The following PCDHB3 variants were observed in gnomAD, a reference collection of about 807,000 sequenced individuals.
PCDHB3 encodes the protein protocadherin beta-3.
For synonymous variants in PCDHB3, 479 were observed against 456.0 expected (o/e 1.05, Z -0.64); for missense variants, 967 against 1,012.1 (o/e 0.96, Z 0.60).
In PCDHB3 at chr5:141,100,614, G is replaced by C; in HGVS notation, c.-36G>C. 1 of 1,468,526 alleles carries C rather than the reference G, an allele frequency of 6.8e-7. No homozygotes were observed. The highest frequency in any genetic ancestry group is 9.3e-7 in the Non-Finnish European group (1 of 1,072,622). The allele number at this position is 1,468,526 out of a possible 1,614,324, so 91.0% of individuals were successfully genotyped here. On this transcript the variant is annotated 5_prime_UTR_variant, in exon 1 of 1. Coordinates refer to ENST00000231130, the MANE Select transcript of PCDHB3 (RefSeq NM_018937.5). ...CCCAGCTCTGTCTGAGGTTCAGCTT[G>C]GCGACATTCCCTGGAAGAGCGTGAC...
In PCDHB3 at chr5:141,101,221, A is replaced by AC. The variant is rs1563835175; in HGVS notation, c.575dup (p.Glu193GlyfsTer6). On this transcript the variant is annotated frameshift_variant, in exon 1 of 1. Coordinates refer to ENST00000231130, the MANE Select transcript of PCDHB3 (RefSeq NM_018937.5). LOFTEE classifies it low-confidence loss of function (END_TRUNC). ...CGCAGTCGTAGGGACGGAAGGAAGT[A>AC]CCCGGAACTAGTACTGGATAAAGCG... 6.2e-7 allele frequency: 1 copy of AC among 1,614,158 alleles called. No individual in the cohort carries two copies. The highest frequency in any genetic ancestry group is 1.3e-5 in the African/African-American group (1 of 75,042).
chr5:141,101,256 G>C lies in PCDHB3; in HGVS notation c.607G>C (p.Glu203Gln). Residue 203 changes from glutamate (E) to glutamine (Q), a missense_variant, in exon 1 of 1, where the codon GAG (glutamate) becomes CAG (glutamine). Glu to Gln is a conservative substitution (Grantham distance 29, BLOSUM62 2). Coordinates refer to ENST00000231130, the MANE Select transcript of PCDHB3 (RefSeq NM_018937.5). Reference sequence around the variant, plus strand: ...AGTACTGGATAAAGCGCTCGATCCGGAGGAGCAGCCGGAACTCAGCTTAAC... The same window carrying C: ...AGTACTGGATAAAGCGCTCGATCCGCAGGAGCAGCCGGAACTCAGCTTAAC... The part of the protein sequence containing the change: ...ELVLDKALDP[E>Q]EQPELSLTLT... The C allele has an allele frequency of 1.2e-6, 2 of 1,614,170 alleles. No homozygotes were observed. The highest frequency in any genetic ancestry group is 1.7e-6 in the Non-Finnish European group (2 of 1,180,036).
Position 141,101,185 on chromosome 5 carries a change from A to G in PCDHB3, c.536A>G (p.His179Arg). The G allele has an allele frequency of 1.9e-6, 3 of 1,614,192 alleles. No homozygotes were observed. Among genetic ancestry groups the G allele is most frequent in the Non-Finnish European group, 2.5e-6 (3 of 1,180,038 alleles). Reference sequence around the variant, plus strand: ...ACTATCACTCCGAATTCCCACTTCCACGTACTCACTCGCAGTCGTAGGGAC... The same window carrying G: ...ACTATCACTCCGAATTCCCACTTCCGCGTACTCACTCGCAGTCGTAGGGAC... ...NYTITPNSHF[H>R]VLTRSRRDGR... The change falls in exon 1 of 1, where the codon CAC (histidine) becomes CGC (arginine). Residue 179 changes from histidine to arginine, a missense_variant. Physicochemically the swap from His to Arg is conservative, Grantham distance 29 (BLOSUM62 0). Transcript: ENST00000231130.
At position 141,103,642 on chromosome 5, in the gene PCDHB3, CAAAT is replaced by C. The variant is rs1263387143; in HGVS notation, c.*603_*606del. Reference sequence around the variant, plus strand: ...ATCATCTTTTTAGGGATATAGTACTCAAATGAAAGTAATTTAGTTCATTTTCTGT... The same window carrying C: ...ATCATCTTTTTAGGGATATAGTACTCGAAAGTAATTTAGTTCATTTTCTGT... On this transcript the variant is annotated 3_prime_UTR_variant, in exon 1 of 1. Transcript: ENST00000231130. 1 of 152,144 alleles carries C rather than the reference CAAAT, an allele frequency of 6.6e-6. No individual in the cohort carries two copies. The highest frequency in any genetic ancestry group is 1.5e-5 in the Non-Finnish European group (1 of 68,014). 9.4% of individuals were successfully genotyped at this position (152,144 alleles called of 1,614,324 possible). A position where few individuals can be genotyped will look rare whatever the true frequency, so the allele number is the denominator to read the frequency against.
rs1554272569 is a variant in PCDHB3, at chr5:141,102,440, C to T, written c.1791C>T (p.Gly597=). The change falls in exon 1 of 1, where the codon GGC becomes GGT. Residue 597 remains glycine, a synonymous_variant. Transcript: ENST00000231130. ...TKVVAVDGDS[G]QNAWLSYQLL... is the part of the protein sequence containing the mutation. ...TGGTGGCGGTGGACGGCGACTCGGG[C>T]CAGAACGCCTGGCTGTCGTACCAGC... is the stretch of plus-strand genomic sequence containing the variant. 3 of 1,610,322 alleles carry T rather than the reference C, an allele frequency of 1.9e-6. No homozygotes were observed. The highest frequency in any genetic ancestry group is 2.5e-6 in the Non-Finnish European group (3 of 1,179,602).
Position 141,102,742 on chromosome 5 carries a change from C to T in PCDHB3, c.2093C>T (p.Ser698Phe). The T allele has an allele frequency of 6.2e-7, 1 of 1,611,988 alleles. No individual in the cohort carries two copies. The highest frequency in any genetic ancestry group is 1.1e-5 in the South Asian group (1 of 91,012). Residue 698 changes from serine to phenylalanine, a missense_variant, in exon 1 of 1, where the codon TCT becomes TTT. Transcript: ENST00000231130. ...CTGGTGGTGGCATTGGCCTCGGTGT[C>T]TTCGCTCTTCCTCTTTTCGGTGCTC... ...VYLVVALASV[S>F]SLFLFSVLLF...
At position 141,103,031 on chromosome 5, in the gene PCDHB3, A is replaced by G; in HGVS notation, c.2382A>G (p.Glu794=). Reference sequence around the variant, plus strand: ...ATCCCAGTTTCAGGAAGAGCTTTGAATTCAGTTAAGTGTTAATAAGGATCT... The same window carrying G: ...ATCCCAGTTTCAGGAAGAGCTTTGAGTTCAGTTAAGTGTTAATAAGGATCT... The part of the protein sequence containing the change: ...EANPSFRKSF[E]FS Residue 794 remains glutamate (E), a synonymous_variant, in exon 1 of 1, where the codon GAA becomes GAG. Coordinates refer to ENST00000231130, the MANE Select transcript of PCDHB3 (RefSeq NM_018937.5). 6.2e-7 allele frequency: 1 copy of G among 1,607,802 alleles called. No homozygotes were observed. The highest frequency in any genetic ancestry group is 8.5e-7 in the Non-Finnish European group (1 of 1,176,658).
chr5:141,101,834 A>C lies in PCDHB3; in HGVS notation c.1185A>C (p.Pro395=), dbSNP rs781882884. The change falls in exon 1 of 1, where the codon CCA becomes CCC. Residue 395 remains proline, a synonymous_variant. Coordinates refer to ENST00000231130, the MANE Select transcript of PCDHB3 (RefSeq NM_018937.5). ...ACAATCTCCCCTTCTTCCTGAAACC[A>C]TCTGTAGAGAATTTTTACACCCTAG... The part of the protein sequence containing the change: ...IENNLPFFLK[P]SVENFYTLVS... The C allele has an allele frequency of 1.9e-6, 3 of 1,614,046 alleles. No individual in the cohort carries two copies. Among genetic ancestry groups the C allele is most frequent in the East Asian group, 2.2e-5 (1 of 44,842 alleles).
Position 141,101,657 on chromosome 5 carries a change from G to C in PCDHB3, c.1008G>C (p.Gln336His). 6.2e-7 allele frequency: 1 copy of C among 1,614,072 alleles called. No individual in the cohort carries two copies. Among genetic ancestry groups the C allele is most frequent in the Non-Finnish European group, 8.5e-7 (1 of 1,180,026 alleles). ...GLSGKSTVIV[Q>H]VVDVNDNPPE... ...CCGGAAAGTCTACAGTCATAGTCCA[G>C]GTGGTTGATGTCAACGACAACCCAC... The change falls in exon 1 of 1, where the codon CAG (glutamine) becomes CAC (histidine). Residue 336 changes from glutamine to histidine, a missense_variant. Coordinates refer to ENST00000231130, the MANE Select transcript of PCDHB3 (RefSeq NM_018937.5).
In PCDHB3 at chr5:141,102,280, A is replaced by G. The variant is rs1447956583; in HGVS notation, c.1631A>G (p.Glu544Gly). 6 of 1,611,744 alleles carry G rather than the reference A, an allele frequency of 3.7e-6. No homozygotes were observed. The highest frequency in any genetic ancestry group is 3.3e-5 in the Admixed American group (2 of 59,974). ...TDRGSPALSSEALVRVLVLDA... is the reference protein window; with the variant it reads ...TDRGSPALSSGALVRVLVLDA... ...CGTGGCTCCCCGGCTTTGAGCAGCG[A>G]GGCGCTGGTGCGCGTGCTGGTGCTG... Residue 544 changes from glutamate to glycine, a missense_variant, in exon 1 of 1, where the codon GAG (glutamate) becomes GGG (glycine). Physicochemically the swap from Glu to Gly is moderately conservative, Grantham distance 98. Transcript: ENST00000231130.
rs1751955918 is a variant in PCDHB3, at chr5:141,101,966, G to A, written c.1317G>A (p.Val439=). Residue 439 remains valine, a synonymous_variant, in exon 1 of 1, where the codon GTG becomes GTA. Coordinates refer to ENST00000231130, the MANE Select transcript of PCDHB3 (RefSeq NM_018937.5). ...TGAAAACCAAGTACAACATAACCGT[G>A]CTGGTCTCCGACGTCAATGACAACG... The part of the protein sequence containing the change: ...PRLKTKYNIT[V]LVSDVNDNAP... The A allele has an allele frequency of 6.2e-7, 1 of 1,613,622 alleles. No individual in the cohort carries two copies.
chr5:141,101,634 G>T lies in PCDHB3; in HGVS notation c.985G>T (p.Gly329Ter). 1 of 1,614,068 alleles carries T rather than the reference G, an allele frequency of 6.2e-7. No homozygotes were observed. Among genetic ancestry groups the T allele is most frequent in the South Asian group, 1.1e-5 (1 of 91,062 alleles). Reference sequence around the variant, plus strand: ...GGCCAAGGATGGCGGAGGCCTATCCGGAAAGTCTACAGTCATAGTCCAGGT... The same window carrying T: ...GGCCAAGGATGGCGGAGGCCTATCCTGAAAGTCTACAGTCATAGTCCAGGT... ...IEAKDGGGLS[G>*]KSTVIVQVVD... Residue 329 changes from glycine (G) to a stop codon, truncating the protein, a stop_gained, in exon 1 of 1, where the codon GGA (glycine) becomes TGA (stop). Transcript: ENST00000231130. LOFTEE classifies it low-confidence loss of function (END_TRUNC).
In PCDHB3 at chr5:141,103,751, G is replaced by A. The variant is rs1169484276; in HGVS notation, c.*711G>A. ...ATGGACACAAATATAGACTAATATG[G>A]GTAATTACCCTTTGGTTTATCTAAA... On this transcript the variant is annotated 3_prime_UTR_variant, in exon 1 of 1. Transcript: ENST00000231130. 1.3e-5 allele frequency: 2 copies of A among 152,034 alleles called. No individual in the cohort carries two copies. Among genetic ancestry groups the A allele is most frequent in the South Asian group, 2.1e-4 (1 of 4,824 alleles). 9.4% of individuals were successfully genotyped at this position (152,034 alleles called of 1,614,324 possible).
Position 141,101,386 on chromosome 5 carries a change from T to C in PCDHB3, c.737T>C (p.Leu246Pro). The change falls in exon 1 of 1, where the codon CTC (leucine) becomes CCC (proline). Residue 246 changes from leucine (L) to proline (P), a missense_variant. Transcript: ENST00000231130. The stretch of plus-strand genomic sequence containing the variant: ...AATGCACCAGAATTTGCACAGCCGC[T>C]CTATGAGGTTGCAGTTCTAGAGAAT... ...NDNAPEFAQP[L>P]YEVAVLENTP... The C allele has an allele frequency of 6.2e-7, 1 of 1,614,192 alleles. No individual in the cohort carries two copies.
In PCDHB3 at chr5:141,101,552, G is replaced by T. The variant is rs1432547639; in HGVS notation, c.903G>T (p.Met301Ile). The T allele has an allele frequency of 6.2e-7, 1 of 1,614,016 alleles. No homozygotes were observed. Among genetic ancestry groups the T allele is most frequent in the Non-Finnish European group, 8.5e-7 (1 of 1,180,018 alleles). The change falls in exon 1 of 1, where the codon ATG (methionine) becomes ATT (isoleucine). Residue 301 changes from methionine to isoleucine, a missense_variant. By Grantham distance (10) the Met-to-Ile change is conservative. Coordinates refer to ENST00000231130, the MANE Select transcript of PCDHB3 (RefSeq NM_018937.5). ...TFQLNPITGD[M>I]QLVKYLNFEA... is the part of the protein sequence containing the mutation. The stretch of plus-strand genomic sequence containing the variant: ...AGCTAAATCCAATTACTGGTGATAT[G>T]CAACTGGTCAAATATTTGAATTTTG...
rs782197698 is a variant in PCDHB3, at chr5:141,101,298, G to C, written c.649G>C (p.Gly217Arg). ...CAGCTTAACGCTCACCGCGCTGGAC[G>C]GCGGCTCTCCCCCTCGGTCTGGGAC... The part of the protein sequence containing the change: ...ELSLTLTALD[G>R]GSPPRSGTAQ... Residue 217 changes from glycine to arginine, a missense_variant, in exon 1 of 1, where the codon GGC becomes CGC. Gly to Arg is a moderately radical substitution (Grantham distance 125). Transcript: ENST00000231130. The C allele has an allele frequency of 7.4e-6, 12 of 1,613,924 alleles. No homozygotes were observed. The highest frequency in any genetic ancestry group is 4.5e-5 in the East Asian group (2 of 44,858).
At position 141,100,810 on chromosome 5, in the gene PCDHB3, T is replaced by C; in HGVS notation, c.161T>C (p.Leu54Pro). The change falls in exon 1 of 1, where the codon CTA becomes CCA. Residue 54 changes from leucine (L) to proline (P), a missense_variant. Physicochemically the swap from Leu to Pro is moderately conservative, Grantham distance 98 (BLOSUM62 -3). Transcript: ENST00000231130. Reference sequence around the variant, plus strand: ...GCCAACCTAGCAAAGGATCTGGGACTAAGGGTAGAGGAACTGGCCGCGAGG... The same window carrying C: ...GCCAACCTAGCAAAGGATCTGGGACCAAGGGTAGAGGAACTGGCCGCGAGG... ...LIANLAKDLGLRVEELAARGA... is the reference protein window; with the variant it reads ...LIANLAKDLGPRVEELAARGA... The C allele has an allele frequency of 1.2e-6, 2 of 1,614,096 alleles. No homozygotes were observed. Among genetic ancestry groups the C allele is most frequent in the Non-Finnish European group, 1.7e-6 (2 of 1,180,026 alleles).
rs781833981 is a variant in PCDHB3, at chr5:141,102,560, G to C, written c.1911G>C (p.Lys637Asn). 1 of 1,608,780 alleles carries C rather than the reference G, an allele frequency of 6.2e-7. No individual in the cohort carries two copies. Among genetic ancestry groups the C allele is most frequent in the East Asian group, 2.2e-5 (1 of 44,866 alleles). Residue 637 changes from lysine to asparagine, a missense_variant, in exon 1 of 1, where the codon AAG becomes AAC. Lys to Asn is a moderately conservative substitution (Grantham distance 94). Transcript: ENST00000231130. ...ARLLSERDAA[K>N]HRLVVLVKDN... ...TGCTGAGCGAGCGCGACGCGGCCAA[G>C]CACAGGCTGGTGGTGCTGGTCAAGG... is the stretch of plus-strand genomic sequence containing the variant.
Position 141,100,627 on chromosome 5 carries a change from G to A in PCDHB3, c.-23G>A, listed in dbSNP as rs782301836. ...GAGGTTCAGCTTGGCGACATTCCCT[G>A]GAAGAGCGTGACGGAAAGTGCAATG... On this transcript the variant is annotated 5_prime_UTR_variant, in exon 1 of 1. Transcript: ENST00000231130. The A allele has an allele frequency of 5.2e-6, 8 of 1,532,540 alleles. No individual in the cohort carries two copies. Among genetic ancestry groups the A allele is most frequent in the Non-Finnish European group, 7.1e-6 (8 of 1,125,538 alleles). 94.9% of individuals were successfully genotyped at this position (1,532,540 alleles called of 1,614,324 possible). A position where few individuals can be genotyped will look rare whatever the true frequency, so the allele number is the denominator to read the frequency against.
Sources: allele counts gnomAD v4.1 joint callset, GRCh38; gene constraint gnomAD v4.1.1; transcripts MANE v1.5; gene names NCBI Gene and HGNC (gene_info 2026-07-23, HGNC 2026-07-21).